The following CPAMD8 variants were observed in gnomAD, a reference collection of about 807,000 sequenced individuals.
CPAMD8 encodes C3 and PZP like alpha-2-macroglobulin domain containing 8, also known as C3 and PZP-like alpha-2-macroglobulin domain-containing protein 8.
A neutral mutation model predicts 224.7 loss-of-function variants in CPAMD8; 146 were observed. The ratio of observed to expected loss-of-function variants is 0.65; its 90% CI spans 0.57 to 0.75. The LOEUF is 0.75. Among genes scored for constraint, CPAMD8 ranks in the 30% least tolerant of loss-of-function variants. The pLI, the probability that CPAMD8 is intolerant of heterozygous loss-of-function variation, is 0.00. For synonymous variants in CPAMD8, 966 were observed against 1,044.6 expected, an observed-to-expected ratio of 0.92 and a Z score of 1.45; for missense variants, 2,301 against 2,537.5, an observed-to-expected ratio of 0.91 and a Z score of 2.00.
chr19:17,014,339 G>A (rs1292106671), intron 3 of CPAMD8, among the ~76,000 whole-genome samples: 1 of 151,858 alleles, frequency 6.6e-6, no homozygotes, highest in South Asian at 2.1e-4. Context: ...GATTACAGGT[G>A]TGAGCCATGG....
chr19:16,966,349 G>A (rs1167995881), intron 18 of CPAMD8, among the ~76,000 whole-genome samples: 1 of 152,188 alleles, frequency 6.6e-6, no homozygotes, highest in Admixed American at 6.5e-5. Context: ...ATTCAAGATG[G>A]ATTAAAGACT....
intron 10 of CPAMD8, among the ~76,000 whole-genome samples, chr19:16,998,738 A>G (rs11666342): frequency 0.24 from 36,898 of 152,128 alleles, 5,036 homozygotes; most frequent in African/African-American, 0.37. Flanking sequence ...AGGTGGGAAT[A>G]TAAAATAGTG....
intron 26 of CPAMD8, among the ~76,000 whole-genome samples, chr19:16,924,749 A>AT (rs1241412595): frequency 6.6e-6 from 1 of 151,188 alleles, no homozygotes; most frequent in African/African-American, 2.4e-5. Flanking sequence ...TCTGGCTAAC[A>AT]TTTTTTTTAT....
At chr19:16,961,954 G>A (rs888293624) in intron 18 of CPAMD8, among the ~76,000 whole-genome samples, 4 of 152,118 alleles carry the variant, frequency 2.6e-5, no homozygotes, top group Non-Finnish European at 5.9e-5. Flanking sequence ...GAGACCTGAC[G>A]TTAGAAGGAA....
rs771405368 is a variant in CPAMD8 at position 16,896,254 on chromosome 19, T to G, written c.5348A>C (p.Gln1783Pro). 1.1e-5 allele frequency: 18 copies of G among 1,613,332 alleles called. No homozygotes were observed. The highest frequency in any genetic ancestry group is 1.4e-5 in the Non-Finnish European group (17 of 1,179,962). Residue 1783 changes from glutamine to proline, a missense_variant, in exon 41 of 42, where the codon CAG (glutamine) becomes CCG (proline). Physicochemically the swap from Gln to Pro is moderately conservative, Grantham distance 76. This residue lies in a region of CPAMD8 where 1,709 missense variants were observed against 1,753.2 expected (regional missense o/e 0.97). Transcript: ENST00000443236. ...GGCTCCATTCAGCTTCACGTCCTGC[T>G]GTAAAGGCCCCGGGGCCACAGAAGC... is the stretch of plus-strand genomic sequence containing the variant. Reference protein sequence around the residue: ...DLASVAPGPLQQDVKLNGAGL... With the variant: ...DLASVAPGPLPQDVKLNGAGL...
chr19:16,970,238 CAAAAAAA>C (rs34399675), intron 18 of CPAMD8, among the ~76,000 whole-genome samples: 1 of 92,670 alleles, frequency 1.1e-5, no homozygotes. Flanking sequence ...GACTCTGTCT[CAAAAAAA>C]AAAAAAAAAA....
intron 3 of CPAMD8, among the ~76,000 whole-genome samples, chr19:17,015,443 G>A (rs1011855099): frequency 6.6e-6 from 1 of 151,984 alleles, no homozygotes; most frequent in African/African-American, 2.4e-5. Flanking sequence ...GTGTGGGTGA[G>A]GTCGGGGTGC....
chr19:16,939,455 T>C (rs1370982101), intron 22 of CPAMD8, among the ~76,000 whole-genome samples: 1 of 152,102 alleles, frequency 6.6e-6, no homozygotes, highest in Non-Finnish European at 1.5e-5. Flanking sequence ...GCGATCCGCC[T>C]GCCTCGGCCT....
Position 16,903,505 on chromosome 19 carries a change from G to A in CPAMD8, c.4470+56C>T. 3 of 1,610,112 alleles carry A rather than the reference G, an allele frequency of 1.9e-6. No individual in the cohort carries two copies. In the South Asian group the frequency reaches 3.3e-5, roughly 18 times the overall value. On this transcript the variant is annotated intron_variant, in intron 34 of 41. Transcript: ENST00000443236. The stretch of plus-strand genomic sequence containing the variant: ...CTGGGGTTCCACTGTGTGATTGGAG[G>A]GAATGGGGCACAGGAGGACAAGCCC...
chr19:16,900,930 T>G (rs1375223680), intron 36 of CPAMD8, among the ~76,000 whole-genome samples: 1 of 151,694 alleles, frequency 6.6e-6, no homozygotes, highest in African/African-American at 2.4e-5. Context: ...GAGGATTACT[T>G]GAGCCTGGAA....
In CPAMD8 at chr19:16,897,970, C is replaced by G. The variant is rs768412081; in HGVS notation, c.4873G>C (p.Val1625Leu). 6 of 1,610,974 alleles carry G rather than the reference C, an allele frequency of 3.7e-6. No individual in the cohort carries two copies. Among genetic ancestry groups the G allele is most frequent in the Non-Finnish European group, 5.1e-6 (6 of 1,179,334 alleles). The stretch of plus-strand genomic sequence containing the variant: ...CACTCCCGGAGAGCACGGAACCGCA[C>G]GCACGTCAGGCACCGGCTGGGGATC... ...DEIPSRCLTCVRFRALRECVV... is the reference protein window; with the variant it reads ...DEIPSRCLTCLRFRALRECVV... Residue 1625 changes from valine (V) to leucine (L), a missense_variant, in exon 38 of 42, where the codon GTG becomes CTG. Val to Leu is a conservative substitution (Grantham distance 32). This residue lies in a region of CPAMD8 where 1,709 missense variants were observed against 1,753.2 expected (regional missense o/e 0.97). Coordinates refer to ENST00000443236, the MANE Select transcript of CPAMD8 (RefSeq NM_015692.5).
chr19:17,009,037 A>C (rs1796335874), intron 6 of CPAMD8, among the ~76,000 whole-genome samples: 2 of 152,000 alleles, frequency 1.3e-5, no homozygotes, highest in African/African-American at 4.8e-5. Flanking sequence ...CAGAGGTTGC[A>C]GTGAGCCAAG....
chr19:16,900,749 T>C (rs1209568130), intron 36 of CPAMD8, among the ~76,000 whole-genome samples: 3 of 151,618 alleles, frequency 2.0e-5, no homozygotes, highest in Non-Finnish European at 4.4e-5. Context: ...TAGTGGCTCA[T>C]GTCTGTAACC....
At chr19:17,013,287 T>C (rs1466787222) in intron 3 of CPAMD8, 1 of 152,142 alleles carries the variant, frequency 6.6e-6, no homozygotes, top group African/African-American at 2.4e-5. Context: ...GGTGGGCAGA[T>C]GGCTTGAGGC....
intron 20 of CPAMD8, among the ~76,000 whole-genome samples, chr19:16,949,449 C>T (rs1334663268): frequency 6.6e-6 from 1 of 152,120 alleles, no homozygotes; most frequent in Non-Finnish European, 1.5e-5. Flanking sequence ...ATAAAAAGAA[C>T]GGTAAAGGAT....
At chr19:16,945,967 G>A (rs2122245432) in intron 21 of CPAMD8, among the ~76,000 whole-genome samples, 1 of 152,112 alleles carries the variant, frequency 6.6e-6, no homozygotes, top group South Asian at 2.1e-4. Flanking sequence ...GAGTTTGTGT[G>A]TGCATTTGTG....
chr19:16,955,071 T>C (rs777303455), intron 19 of CPAMD8, among the ~76,000 whole-genome samples: 40 of 152,118 alleles, frequency 2.6e-4, no homozygotes, highest in Non-Finnish European at 5.1e-4. Flanking sequence ...GAGTTTGCAG[T>C]GAGCCGAGAT....
chr19:16,968,586 C>A (rs2054939040), intron 18 of CPAMD8, among the ~76,000 whole-genome samples: 2 of 152,128 alleles, frequency 1.3e-5, no homozygotes, highest in African/African-American at 4.8e-5. Flanking sequence ...CAAAGCAGTA[C>A]TCAGAGGAAA....
rs776451016 is a variant in CPAMD8 at position 16,947,232 on chromosome 19, A to G, written c.2509-5T>C. The G allele has an allele frequency of 6.2e-6, 10 of 1,608,664 alleles. No individual in the cohort carries two copies. In the Admixed American group the frequency reaches 1.3e-4, roughly 22 times the overall value. On this transcript the variant is annotated splice_region_variant and splice_polypyrimidine_tract_variant and intron_variant, in intron 20 of 41. Coordinates refer to ENST00000443236, the MANE Select transcript of CPAMD8 (RefSeq NM_015692.5). ...AACCGAGAGCTTCATGTACACCTGCAGAGGGTGGCATTGGCTCATGGCGCC... is the reference window on the plus strand; with the variant it reads ...AACCGAGAGCTTCATGTACACCTGCGGAGGGTGGCATTGGCTCATGGCGCC...
Sources: allele counts gnomAD v4.1 joint callset (sites outside exome capture counted in the v4.1 genomes callset), GRCh38; gene constraint gnomAD v4.1.1; regional missense constraint gnomAD v4.1.1; transcripts MANE v1.5; gene names NCBI Gene and HGNC (gene_info 2026-07-23, HGNC 2026-07-21).